PIK3C2G: variants seen among roughly 807,000 people sequenced by gnomAD.
PIK3C2G encodes phosphatidylinositol 3-kinase C2 domain-containing subunit gamma.
In PIK3C2G, 168 loss-of-function variants were observed where a neutral mutation model predicts 181.1. The ratio of observed to expected loss-of-function variants is 0.93; its 90% CI spans 0.82 to 1.05. PIK3C2G has a LOEUF of 1.05. PIK3C2G is among the 50% of genes least tolerant of loss of function. PIK3C2G has a pLI of 0.00. For synonymous variants in PIK3C2G, 573 were observed against 592.2 expected (o/e 0.97, Z 0.47); for missense variants, 1,869 against 1,732.8 (o/e 1.08, Z -1.40).
chr12:18,586,173 G>A (rs1946765829), intron 29 of PIK3C2G, among the ~76,000 whole-genome samples: 1 of 152,042 alleles, frequency 6.6e-6, no homozygotes, highest in African/African-American at 2.4e-5. Context: ...CCCAAAGCTA[G>A]CAGAAGAGTA....
chr12:18,589,142 A>G (rs1016226288), intron 29 of PIK3C2G, among the ~76,000 whole-genome samples: 2 of 151,918 alleles, frequency 1.3e-5, no homozygotes, highest in African/African-American at 4.8e-5. Context: ...ACTACAGGGA[A>G]CCCATATAAC....
chr12:18,490,235 CT>C (rs1227070503), intron 19 of PIK3C2G, among the ~76,000 whole-genome samples: 2 of 152,094 alleles, frequency 1.3e-5, no homozygotes, highest in East Asian at 3.9e-4. Flanking sequence ...TGTAATGCAA[CT>C]TTTCTCTCTA....
In PIK3C2G at chr12:18,555,207, A is replaced by G. The variant is rs1486132282; in HGVS notation, c.3591-7496A>G. The stretch of plus-strand genomic sequence containing the variant: ...ACTGTAAATTGAAATACGCTGTCAT[A>G]GAAATCTCCATCAGGTGTTGCCTAA... On this transcript the variant is annotated intron_variant, in intron 26 of 32. Transcript: ENST00000538779. Among the ~76,000 whole-genome samples, 4 of 152,322 alleles carry G rather than the reference A, an allele frequency of 2.6e-5. No individual in the cohort carries two copies. In the East Asian group the frequency reaches 7.7e-4, roughly 29 times the overall value.
chr12:18,297,868 A>G (rs1175454666), intron 5 of PIK3C2G, among the ~76,000 whole-genome samples: 1 of 151,976 alleles, frequency 6.6e-6, no homozygotes, highest in Non-Finnish European at 1.5e-5. Context: ...TCTTTTTTAA[A>G]TAATTGAACA....
At position 18,475,373 on chromosome 12, in the gene PIK3C2G, A is replaced by AACACACACACACAC. The variant is rs57853875; in HGVS notation, c.2505-13053_2505-13040dup. On this transcript the variant is annotated intron_variant, in intron 18 of 32. Coordinates refer to ENST00000538779, the MANE Select transcript of PIK3C2G (RefSeq NM_001288772.2). Reference sequence around the variant, plus strand: ...CTCTCTCAATCTCACCCACCACCCCAACACACACACACACACACACACACA... The same window carrying AACACACACACACAC: ...CTCTCTCAATCTCACCCACCACCCCAACACACACACACACACACACACACACACACACACACACA... 1.1e-3 allele frequency among the ~76,000 whole-genome samples: 155 copies of AACACACACACACAC among 139,926 alleles called. 2 individuals carry two copies. Among genetic ancestry groups the AACACACACACACAC allele is most frequent in the Non-Finnish European group, 1.8e-3 (118 of 64,484 alleles). The allele number at this position is 139,926 out of a possible 152,430, so 91.8% of individuals were successfully genotyped here.
At chr12:18,441,574 A>G (rs1348037943) in intron 18 of PIK3C2G, among the ~76,000 whole-genome samples, 1 of 152,150 alleles carries the variant, frequency 6.6e-6, no homozygotes, top group Non-Finnish European at 1.5e-5. Flanking sequence ...ATACATAGTA[A>G]GAGGAGAAAA....
At chr12:18,263,568 A>T (rs1948344918) in intron 1 of PIK3C2G, among the ~76,000 whole-genome samples, 1 of 152,140 alleles carries the variant, frequency 6.6e-6, no homozygotes, top group South Asian at 2.1e-4. Context: ...TTAAATTTCA[A>T]ATGAATTATT....
chr12:18,431,071 A>G (rs1399236917), intron 18 of PIK3C2G, among the ~76,000 whole-genome samples: 1 of 152,094 alleles, frequency 6.6e-6, no homozygotes, highest in Non-Finnish European at 1.5e-5. Flanking sequence ...ATTCAAAGTC[A>G]CAGTTGTCTC....
chr12:18,356,752 C>T (rs1390269793), intron 11 of PIK3C2G, among the ~76,000 whole-genome samples: 1 of 151,946 alleles, frequency 6.6e-6, no homozygotes, highest in Non-Finnish European at 1.5e-5. Flanking sequence ...CTGAAAGATC[C>T]TGCTGTCAAG....
chr12:18,302,758 A>G (rs1380876222), intron 5 of PIK3C2G, among the ~76,000 whole-genome samples: 1 of 152,104 alleles, frequency 6.6e-6, no homozygotes, highest in Non-Finnish European at 1.5e-5. Flanking sequence ...GTAGCACTAG[A>G]TAGGGCAGAA....
At chr12:18,638,718 T>C (rs1428254915) in intron 31 of PIK3C2G, among the ~76,000 whole-genome samples, 1 of 152,068 alleles carries the variant, frequency 6.6e-6, no homozygotes, top group Non-Finnish European at 1.5e-5. Flanking sequence ...GACCCAGCCA[T>C]AATGACACAC....
chr12:18,586,399 T>C (rs116553957), intron 29 of PIK3C2G, among the ~76,000 whole-genome samples: 2,535 of 152,122 alleles, frequency 0.017, 72 homozygotes, highest in African/African-American at 0.055. Flanking sequence ...GACATTACCA[T>C]TGACCTCACA....
intron 22 of PIK3C2G, 53 bp from the exon 23 acceptor site, chr12:18,503,227 TC>T: frequency 7.3e-7 from 1 of 1,368,308 alleles, no homozygotes; most frequent in African/African-American, 1.5e-5. Context: ...TTCCTAAGGC[TC>T]CCTCATCTTG....
intron 24 of PIK3C2G, among the ~76,000 whole-genome samples, chr12:18,520,458 C>A (rs1056229499): frequency 6.6e-6 from 1 of 151,990 alleles, no homozygotes; most frequent in Non-Finnish European, 1.5e-5. Context: ...TTCCTTTCAG[C>A]AAGATAGTCT....
intron 12 of PIK3C2G, 91 bp from the exon 13 acceptor site, chr12:18,371,089 C>A (rs1942023226): frequency 2.0e-6 from 2 of 1,020,242 alleles, no homozygotes; most frequent in Non-Finnish European, 2.6e-6. Flanking sequence ...AGTTAAATAT[C>A]TTTGTCCCAG....
intron 5 of PIK3C2G, among the ~76,000 whole-genome samples, chr12:18,300,712 A>G (rs1414271196): frequency 6.6e-6 from 1 of 151,990 alleles, no homozygotes; most frequent in East Asian, 1.9e-4. Context: ...CTCATTATTT[A>G]GCACTGCCAC....
At chr12:18,562,458 C>T (rs1945401593) in intron 26 of PIK3C2G, among the ~76,000 whole-genome samples, 1 of 152,198 alleles carries the variant, frequency 6.6e-6, no homozygotes. Flanking sequence ...AAAACGTAGT[C>T]ACACAATATA....
intron 14 of PIK3C2G, among the ~76,000 whole-genome samples, chr12:18,385,712 G>A (rs111811846): frequency 0.01 from 1,579 of 152,148 alleles, 12 homozygotes; most frequent in Middle Eastern, 0.017. Context: ...GGGATTACAG[G>A]TGTGCGCCAC....
At chr12:18,243,194 CTGTGTGTGTG>C (rs71440357), upstream of PIK3C2G, among the ~76,000 whole-genome samples, 23 of 148,224 alleles carry the variant, frequency 1.6e-4, no homozygotes, top group Middle Eastern at 3.2e-3. Flanking sequence ...TAAAGTCTTT[CTGTGTGTGTG>C]TGTGTGTGTG....
Sources: gnomAD v4.1 joint callset for allele counts (sites outside exome capture counted in the v4.1 genomes callset) on GRCh38, gnomAD v4.1.1 for gene constraint, MANE v1.5 for transcripts, NCBI Gene and HGNC (gene_info 2026-07-23, HGNC 2026-07-21) for gene names.